Variants in PLEKHG1 observed in about 807,000 individuals in gnomAD.
PLEKHG1 encodes the protein pleckstrin homology and RhoGEF domain containing G1.
A neutral mutation model predicts 100.8 loss-of-function variants in PLEKHG1; 44 were observed. The ratio of observed to expected loss-of-function variants is 0.44; its 90% CI spans 0.34 to 0.56. The LOEUF (loss-of-function observed/expected upper bound fraction) is 0.56, where lower values mean the gene tolerates loss of function less well. Among genes scored for constraint, PLEKHG1 ranks in the 20% least tolerant of loss-of-function variants. The pLI, the probability that PLEKHG1 is intolerant of heterozygous loss-of-function variation, is 0.01. For missense variants in PLEKHG1, 1,545 were observed against 1,720.9 expected (o/e 0.90, Z 1.81); for synonymous variants, 640 against 662.5 (o/e 0.97, Z 0.52).
At chr6:150,680,990 A>G (rs1779909542) in intron 3 of PLEKHG1, among the ~76,000 whole-genome samples, 1 of 152,224 alleles carries the variant, frequency 6.6e-6, no homozygotes, top group African/African-American at 2.4e-5. Flanking sequence ...CTCTAGGCAT[A>G]ATGCTCATAT....
chr6:150,825,797 A>G (rs148937815), intron 14 of PLEKHG1, among the ~76,000 whole-genome samples: 16 of 152,252 alleles, frequency 1.1e-4, no homozygotes, highest in Admixed American at 9.2e-4. Flanking sequence ...TTCCTAATTT[A>G]CAGAACTGTT....
intron 3 of PLEKHG1, among the ~76,000 whole-genome samples, chr6:150,701,466 T>TATAA (rs1212311635): frequency 5.6e-4 from 47 of 84,196 alleles, no homozygotes; most frequent in African/African-American, 1.5e-3. Flanking sequence ...TATATATATA[T>TATAA]AATTATACTT....
At chr6:150,645,720 T>G (rs190166135) in intron 2 of PLEKHG1, among the ~76,000 whole-genome samples, 60 of 152,312 alleles carry the variant, frequency 3.9e-4, no homozygotes, top group Non-Finnish European at 1.5e-4. Context: ...ATAGCTATAA[T>G]TACAATTGTG....
chr6:150,686,195 T>A (rs553441170), intron 3 of PLEKHG1, among the ~76,000 whole-genome samples: 4 of 152,270 alleles, frequency 2.6e-5, no homozygotes, highest in Non-Finnish European at 5.9e-5. Flanking sequence ...ACAGGAGAGC[T>A]AATTAGGTCA....
Position 150,804,425 on chromosome 6 carries a change from A to T in PLEKHG1, c.781-185A>T, listed in dbSNP as rs376858448. 3.3e-5 allele frequency among the ~76,000 whole-genome samples: 5 copies of T among 151,020 alleles called. No homozygotes were observed. In the East Asian group the frequency reaches 9.7e-4, roughly 29 times the overall value. ...GGTCTCGAACTCTGGACCTCAGGTG[A>T]TCCACCCACCTGGCCTCCCAAAGTG... On this transcript the variant is annotated intron_variant, in intron 6 of 15. Coordinates refer to ENST00000358517, the Ensembl canonical transcript of PLEKHG1.
chr6:150,795,986 G>T (rs1786308186), intron 5 of PLEKHG1, 84 bp downstream of exon 6: 2 of 864,818 alleles, frequency 2.3e-6, no homozygotes, highest in African/African-American at 3.3e-5. Context: ...ATGGTTGTTA[G>T]GCATTCTGTG....
intron 2 of PLEKHG1, among the ~76,000 whole-genome samples, chr6:150,756,345 ATTC>A (rs1250778727): frequency 6.6e-6 from 1 of 152,204 alleles, no homozygotes; most frequent in African/African-American, 2.4e-5. Flanking sequence ...TTTGGTTAAG[ATTC>A]TTCTGTGATG....
intron 2 of PLEKHG1, among the ~76,000 whole-genome samples, chr6:150,638,634 G>GCC (rs1434676028): frequency 6.6e-6 from 1 of 152,172 alleles, no homozygotes; most frequent in African/African-American, 2.4e-5. Flanking sequence ...GCAGGTAGAA[G>GCC]CCCCCTTGCC....
At chr6:150,808,189 A>G (rs2128668679) in intron 7 of PLEKHG1, among the ~76,000 whole-genome samples, 1 of 152,310 alleles carries the variant, frequency 6.6e-6, no homozygotes, top group African/African-American at 2.4e-5. Flanking sequence ...ATAAATATAT[A>G]CACCTACTGT....
chr6:150,720,491 T>C (rs1023434561), upstream of PLEKHG1, among the ~76,000 whole-genome samples: 21 of 152,222 alleles, frequency 1.4e-4, no homozygotes, highest in African/African-American at 5.1e-4. Flanking sequence ...GCTTTTTAAA[T>C]GTTTTTTAAA....
intron 1 of PLEKHG1, among the ~76,000 whole-genome samples, chr6:150,721,443 GTTT>G (rs1781669554): frequency 2.0e-5 from 3 of 152,100 alleles, no homozygotes. Context: ...GTCTTCAATA[GTTT>G]TTGTCTTAGT....
rs150556239 is a variant in PLEKHG1 at position 150,609,429 on chromosome 6, G to A, written c.-204+9412G>A. On this transcript the variant is annotated intron_variant, in intron 1 of 3. Transcript: ENST00000367326. ...TCCGAGGGAATAATATGCTAGACTG[G>A]GGAAGAGAGTTAAGTAGGGCAGGCC... Among the ~76,000 whole-genome samples the A allele has an allele frequency of 5.0e-3, 757 of 152,244 alleles. 7 individuals are homozygous for A. The highest frequency in any genetic ancestry group is 0.018 in the African/African-American group (728 of 41,548).
intron 5 of PLEKHG1, among the ~76,000 whole-genome samples, chr6:150,796,849 T>C (rs1786364469): frequency 6.6e-6 from 1 of 152,204 alleles, no homozygotes; most frequent in Non-Finnish European, 1.5e-5. Flanking sequence ...CCAAGGTTTC[T>C]TCTCTGACTT....
At chr6:150,666,143 G>T (rs1779388719) in intron 3 of PLEKHG1, among the ~76,000 whole-genome samples, 2 of 152,188 alleles carry the variant, frequency 1.3e-5, no homozygotes, top group Non-Finnish European at 1.5e-5. Flanking sequence ...CAGTACTCTG[G>T]ATGAAAAGAG....
At chr6:150,807,926 G>A (rs1378120776) in intron 7 of PLEKHG1, among the ~76,000 whole-genome samples, 1 of 152,116 alleles carries the variant, frequency 6.6e-6, no homozygotes, top group Non-Finnish European at 1.5e-5. Flanking sequence ...CCGAGATTGT[G>A]CCACTGCACT....
intron 3 of PLEKHG1, among the ~76,000 whole-genome samples, chr6:150,783,800 C>T (rs899262186): frequency 6.6e-6 from 1 of 152,136 alleles, no homozygotes; most frequent in Non-Finnish European, 1.5e-5. Context: ...AAACCGAGAA[C>T]CTGTTAAGAT....
intron 1 of PLEKHG1, among the ~76,000 whole-genome samples, chr6:150,602,461 G>T (rs1249355649): frequency 6.6e-6 from 1 of 152,160 alleles, no homozygotes; most frequent in Non-Finnish European, 1.5e-5. Flanking sequence ...GTAGCTTTGA[G>T]ACCTTCACTT....
intron 10 of PLEKHG1, among the ~76,000 whole-genome samples, chr6:150,812,806 G>C (rs1346315722): frequency 2.0e-5 from 3 of 151,970 alleles, no homozygotes; most frequent in Non-Finnish European, 4.4e-5. Flanking sequence ...GAAGAGGATG[G>C]GACACACAGG....
intron 1 of PLEKHG1, among the ~76,000 whole-genome samples, chr6:150,730,981 C>T (rs1245465571): frequency 6.6e-6 from 1 of 151,928 alleles, no homozygotes; most frequent in African/African-American, 2.4e-5. Context: ...CTCAAAATAT[C>T]CTCAGATACT....
Sources: allele counts gnomAD v4.1 joint callset (sites outside exome capture counted in the v4.1 genomes callset), GRCh38; gene constraint gnomAD v4.1.1; transcripts MANE v1.5; gene names NCBI Gene and HGNC (gene_info 2026-07-23, HGNC 2026-07-21).